Variants in ZDHHC15 observed in about 807,000 individuals in gnomAD.
ZDHHC15 encodes the protein zDHHC palmitoyltransferase 15, also known as palmitoyltransferase ZDHHC15.
ZDHHC15 carries 19 observed loss-of-function variants against 31.7 expected under a neutral mutation model. That is an observed-to-expected ratio of 0.60 (90% CI 0.42 to 0.88). ZDHHC15 has a LOEUF of 0.88. ZDHHC15 is among the 40% of genes least tolerant of loss of function. The pLI is 0.00. For missense variants in ZDHHC15, 209 were observed against 251.2 expected (o/e 0.83, Z 1.14); for synonymous variants, 103 against 90.0 (o/e 1.14, Z -0.82).
chrX:75,442,902 C>T (rs1293893462), intron 4 of ZDHHC15, among the ~76,000 whole-genome samples: 9 of 103,034 alleles, frequency 8.7e-5, no homozygotes, highest in African/African-American at 1.4e-4. Flanking sequence ...AGGAGAATGG[C>T]GTGAACCCAG....
At chrX:75,509,537 T>C (rs1005717219) in intron 1 of ZDHHC15, among the ~76,000 whole-genome samples, 1 of 111,823 alleles carries the variant, frequency 8.9e-6, no homozygotes, top group Non-Finnish European at 1.9e-5. Flanking sequence ...ACTTACAACA[T>C]GAAGTTCTTT....
intron 11 of ZDHHC15, among the ~76,000 whole-genome samples, chrX:75,375,522 A>G (rs1297123950): frequency 2.7e-5 from 3 of 111,348 alleles, no homozygotes; most frequent in Non-Finnish European, 5.7e-5. Context: ...GGTAGTGAGC[A>G]TAGTACCCAA....
chrX:75,375,644 A>G (rs990433105), intron 11 of ZDHHC15, among the ~76,000 whole-genome samples: 3 of 111,618 alleles, frequency 2.7e-5, no homozygotes, highest in African/African-American at 9.8e-5. Flanking sequence ...CCCATTTATG[A>G]ATGAGAACAT....
At chrX:75,374,908 G>A (rs184121890) in intron 11 of ZDHHC15, among the ~76,000 whole-genome samples, 2 of 110,606 alleles carry the variant, frequency 1.8e-5, no homozygotes, top group East Asian at 2.8e-4. Context: ...TGGTGATGGC[G>A]CAGGGGTTAT....
chrX:75,432,757 G>A (rs947868361), intron 4 of ZDHHC15, among the ~76,000 whole-genome samples: 14 of 110,841 alleles, frequency 1.3e-4, no homozygotes, highest in Admixed American at 1.3e-3. Context: ...CACAACTATC[G>A]CTTGAGACCA....
rs776162572 is a variant in ZDHHC15 at position 75,475,087 on chromosome X, A to AT, written c.258+3803dup. ...AAAATAAATAAATAAATAAAAATAA[A>AT]TAAAAAAAAGTTTTTTGTTTAGCTG... On this transcript the variant is annotated intron_variant, in intron 3 of 11. Coordinates refer to ENST00000373367, the MANE Select transcript of ZDHHC15 (RefSeq NM_144969.3). 3.0e-3 allele frequency among the ~76,000 whole-genome samples: 337 copies of AT among 111,945 alleles called. 1 individual carries two copies. Among genetic ancestry groups the AT allele is most frequent in the African/African-American group, 9.9e-3 (307 of 30,921 alleles).
At chrX:75,499,747 C>T (rs1364723285) in intron 2 of ZDHHC15, among the ~76,000 whole-genome samples, 1 of 111,660 alleles carries the variant, frequency 9.0e-6, no homozygotes, top group African/African-American at 3.2e-5. Context: ...AGTAGATCTA[C>T]CATTTGACTC....
chrX:75,405,566 CA>C (rs1184301034), intron 10 of ZDHHC15, among the ~76,000 whole-genome samples: 1 of 110,949 alleles, frequency 9.0e-6, no homozygotes, highest in Non-Finnish European at 1.9e-5. Flanking sequence ...TAGAAAGAGA[CA>C]CAGAAGGTCA....
intron 10 of ZDHHC15, among the ~76,000 whole-genome samples, chrX:75,385,944 C>T (rs770914133): frequency 1.4e-4 from 16 of 111,425 alleles, no homozygotes; most frequent in Non-Finnish European, 2.1e-4. Context: ...AATAAAATAC[C>T]CTTGAGCTGA....
chrX:75,496,558 C>G (rs991352867), intron 2 of ZDHHC15, among the ~76,000 whole-genome samples: 2 of 111,753 alleles, frequency 1.8e-5, no homozygotes, highest in African/African-American at 6.5e-5. Flanking sequence ...AATATACATT[C>G]TTTTCATCAG....
chrX:75,471,059 C>T (rs1050809549), intron 3 of ZDHHC15, among the ~76,000 whole-genome samples: 2 of 112,077 alleles, frequency 1.8e-5, no homozygotes, highest in African/African-American at 6.5e-5. Context: ...GTAAGCTTCA[C>T]GATGACTCCA....
At chrX:75,502,890 A>G (rs766580685) in intron 2 of ZDHHC15, among the ~76,000 whole-genome samples, 1 of 111,452 alleles carries the variant, frequency 9.0e-6, no homozygotes, top group East Asian at 2.8e-4. Flanking sequence ...ATGGGAAAAC[A>G]TATGAACTCA....
intron 4 of ZDHHC15, among the ~76,000 whole-genome samples, chrX:75,444,687 T>TATATATATATATATAC (rs2084007375): frequency 3.4e-5 from 1 of 29,498 alleles, no homozygotes; most frequent in Non-Finnish European, 5.4e-5. Flanking sequence ...TATATATATA[T>TATATATATATATATAC]ACACACACAC....
chrX:75,475,423 T>C (rs1382663868), intron 3 of ZDHHC15, among the ~76,000 whole-genome samples: 1 of 112,056 alleles, frequency 8.9e-6, no homozygotes, highest in Non-Finnish European at 1.9e-5. Context: ...AGGTTCTACG[T>C]CATTATTTTG....
chrX:75,379,274 T>C, intron 10 of ZDHHC15, 76 bp from the exon 11 acceptor site: 3 of 1,069,358 alleles, frequency 2.8e-6, no homozygotes, highest in Non-Finnish European at 3.9e-6. Flanking sequence ...CTGGCAGTTT[T>C]CCTTCTTGTT....
intron 2 of ZDHHC15, among the ~76,000 whole-genome samples, chrX:75,495,312 A>C (rs889349119): frequency 1.8e-5 from 2 of 111,778 alleles, no homozygotes; most frequent in African/African-American, 3.3e-5. Flanking sequence ...GAGAAATAGG[A>C]ACACTTTTAC....
At chrX:75,493,964 A>G (rs2084944601) in intron 2 of ZDHHC15, among the ~76,000 whole-genome samples, 1 of 111,662 alleles carries the variant, frequency 9.0e-6, no homozygotes, top group South Asian at 3.8e-4. Flanking sequence ...AATAAAGGGT[A>G]TTCAATTAGG....
At chrX:75,375,524 A>G (rs762388196) in intron 11 of ZDHHC15, among the ~76,000 whole-genome samples, 3 of 111,456 alleles carry the variant, frequency 2.7e-5, no homozygotes, top group East Asian at 5.6e-4. Flanking sequence ...TAGTGAGCAT[A>G]GTACCCAATA....
intron 10 of ZDHHC15, among the ~76,000 whole-genome samples, chrX:75,391,412 C>T (rs1238650744): frequency 3.6e-5 from 4 of 111,194 alleles, no homozygotes; most frequent in Non-Finnish European, 5.7e-5. Flanking sequence ...AGGACTACAT[C>T]GAGACATTTG....
Sources: allele counts gnomAD v4.1 joint callset (sites outside exome capture counted in the v4.1 genomes callset), GRCh38; gene constraint gnomAD v4.1.1; transcripts MANE v1.5; gene names NCBI Gene and HGNC (gene_info 2026-07-23, HGNC 2026-07-21).